The following PDE1C variants were observed in gnomAD, a reference collection of about 807,000 sequenced individuals.
The protein encoded by PDE1C is dual specificity calcium/calmodulin-dependent 3',5'-cyclic nucleotide phosphodiesterase 1C.
Under a neutral mutation model 93.1 loss-of-function variants are expected in PDE1C, and 62 were observed. The ratio of observed to expected loss-of-function variants is 0.67; its 90% confidence interval spans 0.54 to 0.82. The LOEUF is 0.82. PDE1C is among the 40% of genes least tolerant of loss of function. The pLI is 0.00. For synonymous variants in PDE1C, 325 were observed against 310.1 expected, an observed-to-expected ratio of 1.05 and a Z score of -0.50; for missense variants, 742 against 884.6, an observed-to-expected ratio of 0.84 and a Z score of 2.04.
chr7:32,279,887 A>T (rs1811517777), intron 1 of PDE1C, among the ~76,000 whole-genome samples: 2 of 152,194 alleles, frequency 1.3e-5, no homozygotes, highest in Non-Finnish European at 2.9e-5. Flanking sequence ...AACATTTTGA[A>T]CTGAGAACTT....
intron 17 of PDE1C, among the ~76,000 whole-genome samples, chr7:31,761,028 T>G (rs192035008): frequency 1.7e-5 from 1 of 57,426 alleles, no homozygotes; most frequent in East Asian, 3.6e-4. Flanking sequence ...GATTTGATCC[T>G]GTGATTTTCA....
At chr7:31,914,489 T>G (rs6462313) in intron 2 of PDE1C, among the ~76,000 whole-genome samples, 1 of 152,192 alleles carries the variant, frequency 6.6e-6, no homozygotes, top group Non-Finnish European at 1.5e-5. Context: ...ATAAGAGGAA[T>G]CTAGTGAAAG....
chr7:32,174,932 A>C (rs1018404782), intron 2 of PDE1C, among the ~76,000 whole-genome samples: 1 of 152,164 alleles, frequency 6.6e-6, no homozygotes, highest in Admixed American at 6.5e-5. Context: ...GATGTGATTA[A>C]TAAAACTACA....
intron 15 of PDE1C, among the ~76,000 whole-genome samples, chr7:31,809,566 T>C (rs780663251): frequency 1.3e-5 from 2 of 152,048 alleles, no homozygotes; most frequent in Non-Finnish European, 2.9e-5. Context: ...GAGCTAGAAA[T>C]GGTATTTTAA....
At chr7:31,729,266 G>A in the PDE1C span, among the ~76,000 whole-genome samples, 1 of 152,196 alleles carries the variant, frequency 6.6e-6, no homozygotes, top group Non-Finnish European at 1.5e-5. Flanking sequence ...CCTGCTCAGA[G>A]AACCACAGTG....
chr7:32,060,596 C>G (rs1008329627), intron 1 of PDE1C, among the ~76,000 whole-genome samples: 2 of 152,166 alleles, frequency 1.3e-5, no homozygotes, highest in East Asian at 3.8e-4. Context: ...CCATTTTGAG[C>G]TCTTCTGTCA....
At chr7:31,736,669 G>A in the PDE1C span, among the ~76,000 whole-genome samples, 1 of 152,216 alleles carries the variant, frequency 6.6e-6, no homozygotes, top group African/African-American at 2.4e-5. Context: ...TCAATGTGTT[G>A]TGATCCTTCA....
rs371351868 is a variant in PDE1C at position 32,069,756 on chromosome 7, C to T, written c.101+537G>A. ...TCTGCCCCCCCTTTCTCCACAAGAGCCTTTCCTTCTAGTAAACATTTCTCC... is the reference window on the plus strand; with the variant it reads ...TCTGCCCCCCCTTTCTCCACAAGAGTCTTTCCTTCTAGTAAACATTTCTCC... On this transcript the variant is annotated intron_variant, in intron 1 of 17. Coordinates refer to ENST00000396191, the MANE Select transcript of PDE1C (RefSeq NM_001191057.4). 1.1e-4 allele frequency among the ~76,000 whole-genome samples: 16 copies of T among 152,268 alleles called. 3 individuals are homozygous for T. Among genetic ancestry groups the T allele is most frequent in the Admixed American group, 6.5e-5 (1 of 15,298 alleles).
At position 31,937,872 on chromosome 7, in the gene PDE1C, A is replaced by T. The variant is rs114489566; in HGVS notation, c.129-57012T>A. On this transcript the variant is annotated intron_variant, in intron 2 of 17. Coordinates refer to ENST00000396191, the MANE Select transcript of PDE1C (RefSeq NM_001191057.4). Reference sequence around the variant, plus strand: ...TACACATTCAAGGTTTTTCACTACAAAATAGTTTCCACAAAAAGCTTCTGA... The same window carrying T: ...TACACATTCAAGGTTTTTCACTACATAATAGTTTCCACAAAAAGCTTCTGA... Among the ~76,000 whole-genome samples the T allele has an allele frequency of 3.6e-3, 546 of 152,258 alleles. 2 individuals are homozygous for T. The highest frequency in any genetic ancestry group is 0.012 in the African/African-American group (503 of 41,556).
At chr7:31,825,169 C>G (rs971850258) in intron 12 of PDE1C, among the ~76,000 whole-genome samples, 182 bp from the exon 13 acceptor site, 4 of 152,178 alleles carry the variant, frequency 2.6e-5, no homozygotes, top group African/African-American at 4.8e-5. Flanking sequence ...TACATAACTT[C>G]CTATGACTTT....
At chr7:32,370,845 G>A (rs912674953) in intron 1 of PDE1C, among the ~76,000 whole-genome samples, 1 of 151,826 alleles carries the variant, frequency 6.6e-6, no homozygotes, top group Non-Finnish European at 1.5e-5. Flanking sequence ...ACAGATGAAT[G>A]GATAAAGAAA....
At chr7:32,338,918 G>T (rs1315358237) in intron 1 of PDE1C, among the ~76,000 whole-genome samples, 1 of 151,876 alleles carries the variant, frequency 6.6e-6, no homozygotes, top group African/African-American at 2.4e-5. Context: ...CAGGAGAATG[G>T]CATGAACCTG....
intron 2 of PDE1C, among the ~76,000 whole-genome samples, chr7:31,918,385 G>T (rs947583064): frequency 2.0e-5 from 3 of 152,142 alleles, no homozygotes; most frequent in African/African-American, 4.8e-5. Flanking sequence ...TATATGTCAC[G>T]CATGTACCCT....
intron 2 of PDE1C, among the ~76,000 whole-genome samples, chr7:32,174,608 G>C (rs980179991): frequency 6.6e-5 from 10 of 152,222 alleles, no homozygotes; most frequent in African/African-American, 1.9e-4. Context: ...AGCCACAGGG[G>C]CAGTGTCCAG....
chr7:31,796,423 T>C (rs867484775), intron 16 of PDE1C, among the ~76,000 whole-genome samples: 1 of 151,656 alleles, frequency 6.6e-6, no homozygotes, highest in African/African-American at 2.4e-5. Context: ...TCTTGTTCCT[T>C]TATAATTCCT....
intron 2 of PDE1C, among the ~76,000 whole-genome samples, chr7:31,993,888 A>G (rs1483887764): frequency 6.6e-6 from 1 of 152,200 alleles, no homozygotes; most frequent in African/African-American, 2.4e-5. Flanking sequence ...GCGATATGCA[A>G]TAGCCCTGGG....
At chr7:32,302,003 A>C (rs1311844806), upstream of PDE1C, among the ~76,000 whole-genome samples, 1 of 152,236 alleles carries the variant, frequency 6.6e-6, no homozygotes, top group African/African-American at 2.4e-5. Flanking sequence ...CCACAAGTAA[A>C]GTTTCATTGG....
intron 1 of PDE1C, among the ~76,000 whole-genome samples, chr7:32,371,790 C>G (rs1402186257): frequency 6.6e-6 from 1 of 152,186 alleles, no homozygotes; most frequent in Non-Finnish European, 1.5e-5. Context: ...AATTCAATCC[C>G]TATCAAAATC....
At chr7:31,745,163 G>A in the PDE1C span, among the ~76,000 whole-genome samples, 1 of 152,122 alleles carries the variant, frequency 6.6e-6, no homozygotes, top group Non-Finnish European at 1.5e-5. Flanking sequence ...AAACTCCAGT[G>A]GGTTGGAACC....
Sources: gnomAD v4.1 joint callset for allele counts (sites outside exome capture counted in the v4.1 genomes callset) on GRCh38, gnomAD v4.1.1 for gene constraint, MANE v1.5 for transcripts, NCBI Gene and HGNC (gene_info 2026-07-23, HGNC 2026-07-21) for gene names.